SUCO: variants seen among roughly 807,000 people sequenced by gnomAD.
SUCO encodes the protein SUN domain containing ossification factor, also known as SUN domain-containing ossification factor.
A neutral mutation model predicts 148.1 loss-of-function variants in SUCO; 57 were observed. That is an observed-to-expected ratio of 0.38 (90% CI 0.31 to 0.48). The LOEUF (loss-of-function observed/expected upper bound fraction) is 0.48, where lower values mean the gene tolerates loss of function less well. Among genes scored for constraint, SUCO ranks in the 20% least tolerant of loss-of-function variants. The pLI is 0.96. For missense variants in SUCO, 1,331 were observed against 1,468.2 expected (o/e 0.91, Z 1.53); for synonymous variants, 470 against 502.7 (o/e 0.93, Z 0.87).
intron 19 of SUCO, among the ~76,000 whole-genome samples, chr1:172,593,736 CTT>C (rs1185736234): frequency 6.6e-6 from 1 of 152,106 alleles, no homozygotes; most frequent in African/African-American, 2.4e-5. Flanking sequence ...CTAAAATTCT[CTT>C]GTTTTGTTGT....
chr1:172,564,758 A>G (rs996984621), intron 6 of SUCO, among the ~76,000 whole-genome samples: 2 of 152,188 alleles, frequency 1.3e-5, no homozygotes, highest in Non-Finnish European at 2.9e-5. Context: ...TCTCCCTCAT[A>G]TAAAATTACT....
chr1:172,576,564 C>T (rs1655454808), intron 11 of SUCO, among the ~76,000 whole-genome samples: 1 of 151,560 alleles, frequency 6.6e-6, no homozygotes, highest in African/African-American at 2.4e-5. Context: ...AAAATGAGTA[C>T]TGAAACAATT....
intron 9 of SUCO, among the ~76,000 whole-genome samples, chr1:172,572,259 G>A (rs568869423): frequency 9.2e-5 from 14 of 151,400 alleles, no homozygotes; most frequent in African/African-American, 3.2e-4. Flanking sequence ...GAATAGAAAG[G>A]GGGGAAGGGC....
intron 6 of SUCO, among the ~76,000 whole-genome samples, chr1:172,561,630 G>A (rs1654160528): frequency 6.6e-6 from 1 of 152,130 alleles, no homozygotes; most frequent in Non-Finnish European, 1.5e-5. Flanking sequence ...TTTCCTAGGA[G>A]GTTGGCTAAA....
intron 19 of SUCO, among the ~76,000 whole-genome samples, chr1:172,598,636 T>C (rs1657288800): frequency 6.6e-6 from 1 of 152,236 alleles, no homozygotes; most frequent in South Asian, 2.1e-4. Context: ...TTTGCTGATA[T>C]GTAGCATCTA....
intron 6 of SUCO, among the ~76,000 whole-genome samples, chr1:172,564,388 A>G (rs567166642): frequency 6.6e-6 from 1 of 152,206 alleles, no homozygotes; most frequent in East Asian, 1.9e-4. Flanking sequence ...GCAGAACCAC[A>G]GGGGTGGAGC....
At chr1:172,569,244 T>G in intron 7 of SUCO, 102 bp downstream of exon 7, 1 of 1,191,632 alleles carries the variant, frequency 8.4e-7, no homozygotes. Flanking sequence ...AATTTACTTT[T>G]GAAAACTTTT....
Position 172,573,679 on chromosome 1 carries a change from T to C in SUCO, c.1050-212T>C, listed in dbSNP as rs551635193. ...AATGATGGAGCAAAATCAATATTGT[T>C]TTATTTACAGGTCTTTTCCCCCCAC... On this transcript the variant is annotated intron_variant, in intron 9 of 23. Transcript: ENST00000263688. 2.0e-5 allele frequency among the ~76,000 whole-genome samples: 3 copies of C among 152,214 alleles called. No homozygotes were observed. The East Asian group carries it at 5.8e-4, about 29-fold the overall frequency.
Position 172,578,409 on chromosome 1 carries a change from T to A in SUCO, c.1432+20T>A, listed in dbSNP as rs201735578. On this transcript the variant is annotated intron_variant, in intron 14 of 23. Coordinates refer to ENST00000263688, the MANE Select transcript of SUCO (RefSeq NM_014283.5). ...ACTATGGTAAGTGACATCAAACAGA[T>A]GACTGTTAGGTATATTTTTTTTACT... is the stretch of plus-strand genomic sequence containing the variant. 121 of 1,594,088 alleles carry A rather than the reference T, an allele frequency of 7.6e-5. 1 individual carries two copies. In the East Asian group the frequency reaches 2.7e-3, roughly 36 times the overall value.
At chr1:172,573,182 C>A (rs1655175981) in intron 9 of SUCO, among the ~76,000 whole-genome samples, 1 of 152,088 alleles carries the variant, frequency 6.6e-6, no homozygotes, top group South Asian at 2.1e-4. Flanking sequence ...CCATCATTCC[C>A]AAAAGTTTCA....
At chr1:172,537,044 G>A (rs1652075172) in intron 1 of SUCO, among the ~76,000 whole-genome samples, 1 of 152,060 alleles carries the variant, frequency 6.6e-6, no homozygotes, top group Admixed American at 6.6e-5. Flanking sequence ...TCTTTGAGGG[G>A]GGCGCATTAT....
rs1558203641 is a variant in SUCO, at chr1:172,589,106, C to G, written c.2005C>G (p.Pro669Ala). 6.2e-7 allele frequency: 1 copy of G among 1,613,366 alleles called. No homozygotes were observed. The highest frequency in any genetic ancestry group is 1.7e-4 in the Middle Eastern group (1 of 6,058). Residue 669 changes from proline to alanine, a missense_variant, in exon 18 of 24, where the codon CCT becomes GCT. Pro to Ala is a conservative substitution (Grantham distance 27, BLOSUM62 -1). Transcript: ENST00000263688. The part of the protein sequence containing the change: ...LVLAQPPLLL[P>A]AESVDVSVLQ... ...GTTAGCTCAACCACCCTTACTACTT[C>G]CTGCGGAATCAGTAGATGTTTCAGT...
rs776403907 is a variant in SUCO, at chr1:172,609,814, A to G, written c.3322-2A>G. 5 of 1,589,320 alleles carry G rather than the reference A, an allele frequency of 3.1e-6. No individual in the cohort carries two copies. In the African/African-American group the frequency reaches 5.5e-5, roughly 17 times the overall value. On this transcript the variant is annotated splice_acceptor_variant, in intron 23 of 23. Transcript: ENST00000263688. LOFTEE classifies it high-confidence loss of function. ...CTAACTTTTCTTTTACTTGTGTTGT[A>G]GAAGAAGCGCTGCAAGTACAAAATT...
chr1:172,604,864 G>A (rs962642513), intron 22 of SUCO, among the ~76,000 whole-genome samples: 3 of 151,690 alleles, frequency 2.0e-5, no homozygotes, highest in East Asian at 1.9e-4. Context: ...CTATTAAAGG[G>A]TGAAATAATA....
At chr1:172,556,208 A>T (rs1222709298) in intron 4 of SUCO, among the ~76,000 whole-genome samples, 185 bp downstream of exon 4, 1 of 152,164 alleles carries the variant, frequency 6.6e-6, no homozygotes, top group East Asian at 1.9e-4. Context: ...GAATGTAATG[A>T]TTTTATAACA....
rs756709741 is a variant in SUCO at position 172,610,060 on chromosome 1, A to G, written c.3566A>G (p.Asn1189Ser). ...CGISACTSLC[N>S]GQSQKTKTEK... Reference sequence around the variant, plus strand: ...ATTTCAGCTTGCACAAGTCTGTGCAATGGACAGTCTCAAAAGACAAAAACT... The same window carrying G: ...ATTTCAGCTTGCACAAGTCTGTGCAGTGGACAGTCTCAAAAGACAAAAACT... Residue 1189 changes from asparagine to serine, a missense_variant, in exon 24 of 24, where the codon AAT (asparagine) becomes AGT (serine). Transcript: ENST00000263688. 1 of 1,613,942 alleles carries G rather than the reference A, an allele frequency of 6.2e-7. No individual in the cohort carries two copies. The highest frequency in any genetic ancestry group is 1.1e-5 in the South Asian group (1 of 91,076).
At chr1:172,585,169 A>G in intron 16 of SUCO, 83 bp downstream of exon 16, 1 of 1,111,414 alleles carries the variant, frequency 9.0e-7, no homozygotes, top group Non-Finnish European at 1.3e-6. Context: ...ATGAGTTAAG[A>G]AAATTTGATT....
chr1:172,582,868 T>G (rs1418441325), intron 15 of SUCO, among the ~76,000 whole-genome samples: 2 of 152,144 alleles, frequency 1.3e-5, no homozygotes, highest in Admixed American at 6.5e-5. Flanking sequence ...AAAGGGTGAA[T>G]AGAAGGATCT....
Position 172,588,871 on chromosome 1 carries a change from A to G in SUCO, c.1770A>G (p.Pro590=), listed in dbSNP as rs1656417242. 2.5e-6 allele frequency: 4 copies of G among 1,613,426 alleles called. No individual in the cohort carries two copies. Among genetic ancestry groups the G allele is most frequent in the Non-Finnish European group, 3.4e-6 (4 of 1,179,684 alleles). Residue 590 remains proline (P), a synonymous_variant, in exon 18 of 24, where the codon CCA becomes CCG. Coordinates refer to ENST00000263688, the MANE Select transcript of SUCO (RefSeq NM_014283.5). ...AAGAGGAGGAAGAGGAGGCAAGTCC[A>G]TCTACAGTGACCCTTCTGGGCAGCG... is the stretch of plus-strand genomic sequence containing the variant. ...LVQEEEEEAS[P]STVTLLGSGE...
Sources: allele counts gnomAD v4.1 joint callset (sites outside exome capture counted in the v4.1 genomes callset), GRCh38; gene constraint gnomAD v4.1.1; transcripts MANE v1.5; gene names NCBI Gene and HGNC (gene_info 2026-07-23, HGNC 2026-07-21).